NFATC1: variants seen among roughly 807,000 people sequenced by gnomAD.
The protein encoded by NFATC1 is nuclear factor of activated T-cells, cytoplasmic 1.
Under a neutral mutation model 76.0 loss-of-function variants are expected in NFATC1, and 22 were observed. That is an observed-to-expected ratio of 0.29 (90% CI 0.21 to 0.41). The LOEUF (loss-of-function observed/expected upper bound fraction) is 0.41, where lower values mean the gene tolerates loss of function less well. Among genes scored for constraint, NFATC1 ranks in the 10% least tolerant of loss-of-function variants. NFATC1 has a pLI of 1.00. For missense variants in NFATC1, 1,357 were observed against 1,337.7 expected (o/e 1.01, Z -0.23); for synonymous variants, 704 against 613.1 (o/e 1.15, Z -2.19).
chr18:79,433,984 C>T (rs1477093614), intron 3 of NFATC1, among the ~76,000 whole-genome samples: 1 of 152,234 alleles, frequency 6.6e-6, no homozygotes, highest in African/African-American at 2.4e-5. Flanking sequence ...CTCTCGTATC[C>T]GTGGATGCTG....
Position 79,438,727 on chromosome 18 carries a change from C to G in NFATC1, c.1386+4989C>G, listed in dbSNP as rs567098054. 4.6e-5 allele frequency among the ~76,000 whole-genome samples: 7 copies of G among 152,214 alleles called. 1 individual carries two copies. In the East Asian group the frequency reaches 1.4e-3, roughly 30 times the overall value. ...CAGCCGCGCGGGTGAGAGGGGCGGG[C>G]GGGTCAGGCGAAGACTCAGAGTCAG... On this transcript the variant is annotated intron_variant, in intron 3 of 9. Transcript: ENST00000427363.
chr18:79,461,551 C>G (rs555614093), intron 7 of NFATC1, among the ~76,000 whole-genome samples, 185 bp downstream of exon 7: 106 of 150,870 alleles, frequency 7.0e-4, no homozygotes, highest in African/African-American at 2.5e-3. Context: ...CAAGTACTCG[C>G]CAAAGCACCA....
At chr18:79,491,830 C>G (rs1033383201) in intron 9 of NFATC1, among the ~76,000 whole-genome samples, 1 of 152,064 alleles carries the variant, frequency 6.6e-6, no homozygotes, top group Non-Finnish European at 1.5e-5. Context: ...GCCGGGGACT[C>G]AGCCCCGGCC....
intron 9 of NFATC1, among the ~76,000 whole-genome samples, chr18:79,492,913 T>TC (rs1489733081): frequency 6.7e-6 from 1 of 149,220 alleles, no homozygotes; most frequent in East Asian, 1.9e-4. Context: ...TTTTTTTTTT[T>TC]TTTTTTTTTT....
At chr18:79,450,329 G>A (rs1237161333) in intron 4 of NFATC1, among the ~76,000 whole-genome samples, 1 of 151,340 alleles carries the variant, frequency 6.6e-6, no homozygotes, top group Admixed American at 6.6e-5. Flanking sequence ...AGAAAAAATG[G>A]GTTTTACACA....
At chr18:79,455,999 G>A (rs11660473) in intron 6 of NFATC1, among the ~76,000 whole-genome samples, 9,952 of 152,242 alleles carry the variant, frequency 0.065, 572 homozygotes, top group East Asian at 0.26. Context: ...TTCAAATAAA[G>A]GGACCAAAGG....
At chr18:79,437,869 C>G (rs2086837706) in intron 3 of NFATC1, among the ~76,000 whole-genome samples, 5 of 152,242 alleles carry the variant, frequency 3.3e-5, no homozygotes, top group Non-Finnish European at 1.5e-5. Flanking sequence ...ACAGCCTCTG[C>G]CCTCAGCGCT....
chr18:79,492,237 G>A (rs2089699830), intron 9 of NFATC1, among the ~76,000 whole-genome samples: 1 of 152,110 alleles, frequency 6.6e-6, no homozygotes, highest in Admixed American at 6.5e-5. Flanking sequence ...GGAACCTAAA[G>A]GTCACGCACA....
Position 79,451,011 on chromosome 18 carries a change from A to C in NFATC1, c.1647A>C (p.Gly549=), listed in dbSNP as rs1470826336. Residue 549 remains glycine, a synonymous_variant, in exon 5 of 10, where the codon GGA becomes GGC. Transcript: ENST00000427363. ...LRNSDIELRK[G]ETDIGRKNTR... is the part of the protein sequence containing the mutation. ...ACTCCGACATTGAACTTCGGAAAGG[A>C]GAGACGGACATCGGGAGGAAGAACA... The C allele has an allele frequency of 6.2e-7, 1 of 1,613,894 alleles. No individual in the cohort carries two copies. The highest frequency in any genetic ancestry group is 1.7e-5 in the Admixed American group (1 of 60,032).
intron 3 of NFATC1, among the ~76,000 whole-genome samples, chr18:79,445,316 C>T (rs1402502208): frequency 2.0e-5 from 3 of 152,214 alleles, no homozygotes; most frequent in African/African-American, 4.8e-5. Flanking sequence ...CCGTATCATC[C>T]TGGCCAGGCC....
intron 9 of NFATC1, chr18:79,497,770 G>C (rs1477864516): frequency 6.6e-6 from 1 of 151,756 alleles, no homozygotes; most frequent in Non-Finnish European, 1.5e-5. Context: ...GGCAGGTCCT[G>C]ACACACAGGT....
intron 6 of NFATC1, 136 bp downstream of exon 6, chr18:79,451,952 T>C (rs2087493730): frequency 9.2e-7 from 1 of 1,083,136 alleles, no homozygotes; most frequent in Non-Finnish European, 1.3e-6. Flanking sequence ...GAGCAGAGGC[T>C]CTGCGTGGCC....
At chr18:79,400,168 A>G (rs1271095147) in intron 1 of NFATC1, 2 of 1,072,598 alleles carry the variant, frequency 1.9e-6, no homozygotes, top group African/African-American at 3.4e-5. Flanking sequence ...ACACGAGTTT[A>G]TTTAAAAACT....
chr18:79,478,545 G>A (rs2089163925), intron 8 of NFATC1, among the ~76,000 whole-genome samples: 1 of 152,182 alleles, frequency 6.6e-6, no homozygotes, highest in Non-Finnish European at 1.5e-5. Flanking sequence ...CCTGGCTCCT[G>A]TTACCGGGTA....
intron 6 of NFATC1, 135 bp from the exon 7 acceptor site, chr18:79,461,176 G>T: frequency 1.1e-6 from 1 of 929,062 alleles, no homozygotes; most frequent in South Asian, 1.5e-5. Context: ...AAAGCCCTGG[G>T]ATGGGCCTAC....
intron 1 of NFATC1, among the ~76,000 whole-genome samples, chr18:79,409,645 C>A (rs138787655): frequency 6.6e-6 from 1 of 152,106 alleles, no homozygotes; most frequent in Non-Finnish European, 1.5e-5. Context: ...CTTCACCCCC[C>A]GTCCATCATG....
chr18:79,481,923 TGTGACGTGGTCCTGGGGTGTCACTCCAGC>T, intron 8 of NFATC1, among the ~76,000 whole-genome samples: 1 of 103,824 alleles, frequency 9.6e-6, no homozygotes, highest in South Asian at 3.4e-4. Context: ...GTCATTCCAG[TGTGACGTGGTCCTGGGGTGTCACTCCAGC>T]ATGACCTGGT....
At chr18:79,514,271 C>G (rs922092762) in intron 9 of NFATC1, among the ~76,000 whole-genome samples, 1 of 152,068 alleles carries the variant, frequency 6.6e-6, no homozygotes, top group Non-Finnish European at 1.5e-5. Flanking sequence ...AAGACCCCAT[C>G]TCTACAAAAA....
chr18:79,434,757 T>C (rs2086713095), intron 3 of NFATC1, among the ~76,000 whole-genome samples: 1 of 152,220 alleles, frequency 6.6e-6, no homozygotes, highest in South Asian at 2.1e-4. Flanking sequence ...GGAGAGAAGG[T>C]GGCCGCAGGG....
Sources: gnomAD v4.1 joint callset for allele counts (sites outside exome capture counted in the v4.1 genomes callset) on GRCh38, gnomAD v4.1.1 for gene constraint, MANE v1.5 for transcripts, NCBI Gene and HGNC (gene_info 2026-07-23, HGNC 2026-07-21) for gene names.